Variants in RCBTB2 observed in about 807,000 individuals in gnomAD.
The protein encoded by RCBTB2 is RCC1 and BTB domain containing protein 2, also known as RCC1 and BTB domain-containing protein 2.
Under a neutral mutation model 65.4 loss-of-function variants are expected in RCBTB2, and 55 were observed. The observed-to-expected ratio is 0.84, with a 90% CI of 0.68 to 1.05. The LOEUF (loss-of-function observed/expected upper bound fraction) is 1.05, where lower values mean the gene tolerates loss of function less well. RCBTB2 is among the 50% of genes least tolerant of loss of function. The pLI is 0.00. For missense variants in RCBTB2, 599 were observed against 680.1 expected, an observed-to-expected ratio of 0.88 and a Z score of 1.33; for synonymous variants, 220 against 255.2, an observed-to-expected ratio of 0.86 and a Z score of 1.31.
intron 4 of RCBTB2, among the ~76,000 whole-genome samples, chr13:48,519,684 CAATTT>C (rs1951311426): frequency 6.6e-6 from 1 of 152,256 alleles, no homozygotes; most frequent in Admixed American, 6.5e-5. Flanking sequence ...AAGGAGGTCA[CAATTT>C]AATAGAAAAC....
chr13:48,493,287 C>CCACACACACACACACACACACACACACT (rs1566254277), intron 14 of RCBTB2, among the ~76,000 whole-genome samples: 1 of 110,522 alleles, frequency 9.0e-6, no homozygotes, highest in African/African-American at 5.6e-5. Context: ...CTCTCTCTCT[C>CCACACACACACACACACACACACACACT]TCCACACACA....
At chr13:48,496,156 C>T (rs1949957575) in intron 14 of RCBTB2, 35 bp downstream of exon 14, 1 of 1,416,042 alleles carries the variant, frequency 7.1e-7, no homozygotes, top group Non-Finnish European at 9.3e-7. Flanking sequence ...TCCATTTCTC[C>T]AGGAGGCCGG....
At position 48,512,875 on chromosome 13, in the gene RCBTB2, C is replaced by T. The variant is rs768630812; in HGVS notation, c.370G>A (p.Gly124Ser). 2 of 1,610,930 alleles carry T rather than the reference C, an allele frequency of 1.2e-6. No homozygotes were observed. The highest frequency in any genetic ancestry group is 1.7e-5 in the Admixed American group (1 of 59,806). Residue 124 changes from glycine (G) to serine (S), a missense_variant, in exon 7 of 15, where the codon GGT (glycine) becomes AGT (serine). Transcript: ENST00000344532. Reference protein sequence around the residue: ...ATTEGEVFTWGHNAYSQLGNG... With the variant: ...ATTEGEVFTWSHNAYSQLGNG... The stretch of plus-strand genomic sequence containing the variant: ...CCCAGCTGGCTATAAGCATTATGAC[C>T]CCAGGTAAAGACTTCTCCTTCTGAA...
intron 4 of RCBTB2, among the ~76,000 whole-genome samples, chr13:48,518,472 A>AAAAAAATATAT (rs1491137365): frequency 2.6e-5 from 3 of 116,586 alleles, no homozygotes; most frequent in African/African-American, 1.1e-4. Flanking sequence ...AAAAAAAAAA[A>AAAAAAATATAT]ATATATATAT....
intron 1 of RCBTB2, among the ~76,000 whole-genome samples, chr13:48,527,252 C>G (rs1951791919): frequency 7.3e-6 from 1 of 137,442 alleles, no homozygotes; most frequent in Admixed American, 7.2e-5. Context: ...TATTATCTTA[C>G]TATCTTACTA....
intron 13 of RCBTB2, among the ~76,000 whole-genome samples, chr13:48,499,111 A>AAC (rs142443945): frequency 0.26 from 27,498 of 105,384 alleles, 2,981 homozygotes; most frequent in Non-Finnish European, 0.31. Context: ...CCCCCACCCC[A>AAC]ACACACACAC....
chr13:48,531,032 C>G (rs1566345970), intron 1 of RCBTB2, among the ~76,000 whole-genome samples: 1 of 152,204 alleles, frequency 6.6e-6, no homozygotes, highest in Non-Finnish European at 1.5e-5. Context: ...AAAATTGCAA[C>G]CCACACCTGC....
At chr13:48,511,714 T>C in intron 9 of RCBTB2, 56 bp downstream of exon 9, 6 of 1,427,852 alleles carry the variant, frequency 4.2e-6, no homozygotes, top group Non-Finnish European at 5.8e-6. Flanking sequence ...AATACATTGA[T>C]ATCTTTGCCA....
intron 1 of RCBTB2, among the ~76,000 whole-genome samples, chr13:48,527,396 T>TATGATATATATATATA (rs71076027): frequency 7.3e-6 from 1 of 137,864 alleles, no homozygotes; most frequent in Non-Finnish European, 1.5e-5. Flanking sequence ...TATATTTATA[T>TATGATATATATATATA]TAAAAGGTGC....
At chr13:48,528,628 T>C (rs1460337567) in intron 1 of RCBTB2, among the ~76,000 whole-genome samples, 4 of 152,204 alleles carry the variant, frequency 2.6e-5, no homozygotes, top group Non-Finnish European at 5.9e-5. Context: ...GGTGAGTCAT[T>C]AGATAGTATC....
At chr13:48,518,091 G>A (rs1205799808) in intron 4 of RCBTB2, among the ~76,000 whole-genome samples, 1 of 152,162 alleles carries the variant, frequency 6.6e-6, no homozygotes, top group Non-Finnish European at 1.5e-5. Flanking sequence ...GAGATATCAA[G>A]GGAGCATTGC....
intron 11 of RCBTB2, among the ~76,000 whole-genome samples, chr13:48,502,488 A>G (rs1950283282): frequency 6.6e-6 from 1 of 152,072 alleles, no homozygotes; most frequent in Non-Finnish European, 1.5e-5. Flanking sequence ...GCAAGACCTC[A>G]TCTTTCTCTC....
rs1327552240 is a variant in RCBTB2 at position 48,501,792 on chromosome 13, A to T, written c.1194T>A (p.Phe398Leu). The T allele has an allele frequency of 6.2e-7, 1 of 1,613,290 alleles. No individual in the cohort carries two copies. The highest frequency in any genetic ancestry group is 2.2e-5 in the East Asian group (1 of 44,886). ...FDNPDTADLK[F>L]LVDGKYIYAH... ...CATAAATGTACTTTCCATCAACTAG[A>T]AACTTCAGGTCTGCAGTGTCCGGGT... Residue 398 changes from phenylalanine to leucine, a missense_variant, in exon 12 of 15, where the codon TTT becomes TTA. Coordinates refer to ENST00000344532, the MANE Select transcript of RCBTB2 (RefSeq NM_001268.4).
intron 11 of RCBTB2, 33 bp downstream of exon 11, chr13:48,502,691 G>C: frequency 6.4e-7 from 1 of 1,568,994 alleles, no homozygotes; most frequent in Non-Finnish European, 8.7e-7. Context: ...CAGATTTTCA[G>C]GCCATCCCCC....
At chr13:48,520,872 C>T (rs1007120466) in intron 4 of RCBTB2, among the ~76,000 whole-genome samples, 5 of 150,976 alleles carry the variant, frequency 3.3e-5, no homozygotes, top group Non-Finnish European at 7.4e-5. Context: ...AACACCTCAA[C>T]TTTTGAGTAC....
At chr13:48,517,873 ATGAGT>A (rs1951181650) in intron 4 of RCBTB2, among the ~76,000 whole-genome samples, 1 of 152,130 alleles carries the variant, frequency 6.6e-6, no homozygotes, top group Admixed American at 6.5e-5. Flanking sequence ...TGCAGATGTA[ATGAGT>A]TAAGATGGAG....
At chr13:48,507,184 A>C (rs1330775696) in intron 10 of RCBTB2, among the ~76,000 whole-genome samples, 2 of 152,202 alleles carry the variant, frequency 1.3e-5, no homozygotes, top group Non-Finnish European at 2.9e-5. Context: ...ATGGGAAGTC[A>C]GGGGTGGGGC....
At chr13:48,532,861 T>C in intron 1 of RCBTB2, 167 bp downstream of exon 1, 2 of 388,652 alleles carry the variant, frequency 5.1e-6, no homozygotes, top group South Asian at 1.8e-5. Context: ...CGCCTAGGCC[T>C]GTGGCACGGT....
At chr13:48,513,063 A>G (rs1950895123) in intron 6 of RCBTB2, among the ~76,000 whole-genome samples, 168 bp from the exon 7 acceptor site, 1 of 152,240 alleles carries the variant, frequency 6.6e-6, no homozygotes. Flanking sequence ...TTTGGAAAGT[A>G]TAAACTGCAT....
Sources: allele counts gnomAD v4.1 joint callset (sites outside exome capture counted in the v4.1 genomes callset), GRCh38; gene constraint gnomAD v4.1.1; transcripts MANE v1.5; gene names NCBI Gene and HGNC (gene_info 2026-07-23, HGNC 2026-07-21).